Variants in DTNB observed in about 807,000 individuals in gnomAD.
The protein encoded by DTNB is DTN-B.
In DTNB, 63 loss-of-function variants were observed where a neutral mutation model predicts 90.7. The observed-to-expected ratio is 0.69, with a 90% confidence interval of 0.57 to 0.86. The LOEUF is 0.86. Ranked by LOEUF, DTNB falls within the 40% of genes least tolerant of loss-of-function variation. The pLI, the probability that DTNB is intolerant of heterozygous loss-of-function variation, is 0.00. For synonymous variants in DTNB, 277 were observed against 286.7 expected (o/e 0.97, Z 0.34); for missense variants, 744 against 807.1 (o/e 0.92, Z 0.95).
chr2:25,571,554 C>G (rs1370221715), intron 8 of DTNB, among the ~76,000 whole-genome samples: 1 of 152,160 alleles, frequency 6.6e-6, no homozygotes, highest in Non-Finnish European at 1.5e-5. Flanking sequence ...TTCCCCAGAT[C>G]TCTGCTGGTA....
intron 8 of DTNB, among the ~76,000 whole-genome samples, chr2:25,544,116 C>T (rs1036049464): frequency 6.6e-6 from 1 of 152,088 alleles, no homozygotes; most frequent in South Asian, 2.1e-4. Flanking sequence ...CGCAGCCCAG[C>T]GTGGGGGATG....
intron 10 of DTNB, among the ~76,000 whole-genome samples, chr2:25,469,021 C>A (rs548264096): frequency 6.6e-6 from 1 of 152,282 alleles, no homozygotes; most frequent in African/African-American, 2.4e-5. Flanking sequence ...TACATCAGTA[C>A]TGGAACTACG....
At chr2:25,452,769 G>T in intron 11 of DTNB, among the ~76,000 whole-genome samples, 1 of 149,494 alleles carries the variant, frequency 6.7e-6, no homozygotes, top group African/African-American at 2.5e-5. Context: ...CTATCTCTTT[G>T]GCTAAGTCTT....
chr2:25,378,861 G>A (rs901766948), intron 20 of DTNB, among the ~76,000 whole-genome samples: 9 of 152,172 alleles, frequency 5.9e-5, no homozygotes, highest in East Asian at 3.9e-4. Context: ...ACTGTGATTC[G>A]GTGCAGTGCT....
chr2:25,463,669 C>T lies in DTNB; in HGVS notation c.1080-8175G>A, dbSNP rs527622108. Among the ~76,000 whole-genome samples the T allele has an allele frequency of 3.9e-5, 6 of 152,328 alleles. No individual in the cohort carries two copies. The South Asian group carries it at 1.2e-3, about 32-fold the overall frequency. ...GTCCTAACTAATAATTCTGAAACTGCTACACGTGCTGCAGGCACGGAACGA... is the reference window on the plus strand; with the variant it reads ...GTCCTAACTAATAATTCTGAAACTGTTACACGTGCTGCAGGCACGGAACGA... On this transcript the variant is annotated intron_variant, in intron 10 of 20. Coordinates refer to ENST00000406818, the MANE Select transcript of DTNB (RefSeq NM_021907.5).
chr2:25,494,672 T>C (rs1460173558), intron 9 of DTNB, among the ~76,000 whole-genome samples: 1 of 152,204 alleles, frequency 6.6e-6, no homozygotes, highest in African/African-American at 2.4e-5. Flanking sequence ...GGCCCACAGC[T>C]TTTTATGCTT....
At chr2:25,455,310 A>G in intron 11 of DTNB, 95 bp downstream of exon 11, 1 of 1,139,910 alleles carries the variant, frequency 8.8e-7, no homozygotes, top group East Asian at 2.8e-5. Context: ...AAAACCTGAC[A>G]TGCAGTTTTT....
chr2:25,654,924 C>T (rs1265511203), intron 1 of DTNB, among the ~76,000 whole-genome samples: 2 of 152,192 alleles, frequency 1.3e-5, no homozygotes, highest in Non-Finnish European at 2.9e-5. Context: ...AGCACACAGT[C>T]AGTGTTCCCT....
intron 3 of DTNB, among the ~76,000 whole-genome samples, chr2:25,631,150 G>A (rs375505155): frequency 1.1e-3 from 175 of 152,212 alleles, no homozygotes; most frequent in African/African-American, 4.0e-3. Flanking sequence ...ACGACTTTGT[G>A]GATATACTAA....
At chr2:25,511,705 T>C (rs1045234941) in intron 9 of DTNB, among the ~76,000 whole-genome samples, 4 of 152,198 alleles carry the variant, frequency 2.6e-5, no homozygotes, top group Non-Finnish European at 5.9e-5. Flanking sequence ...AAGCTTTCAA[T>C]AGGGCTGAGC....
chr2:25,634,800 G>C (rs1333542765), intron 3 of DTNB, among the ~76,000 whole-genome samples: 1 of 113,266 alleles, frequency 8.8e-6, no homozygotes, highest in Non-Finnish European at 2.1e-5. Flanking sequence ...GTCCACTCAG[G>C]GTTAAATGGA....
chr2:25,445,972 C>T (rs781436291), intron 12 of DTNB, among the ~76,000 whole-genome samples: 11 of 145,914 alleles, frequency 7.5e-5, no homozygotes, highest in Non-Finnish European at 1.0e-4. Context: ...TCAACAAGAA[C>T]GTTTTGAATA....
chr2:25,510,325 CCTT>C (rs2073660823), intron 9 of DTNB, among the ~76,000 whole-genome samples: 1 of 151,708 alleles, frequency 6.6e-6, no homozygotes, highest in African/African-American at 2.4e-5. Context: ...TTAACATACT[CCTT>C]TTTTAAAAAA....
chr2:25,378,006 T>C (rs935364980), intron 20 of DTNB, among the ~76,000 whole-genome samples: 13 of 152,210 alleles, frequency 8.5e-5, no homozygotes, highest in African/African-American at 3.1e-4. Context: ...AGCGCAGGAT[T>C]AGGAGGCAGA....
intron 8 of DTNB, among the ~76,000 whole-genome samples, chr2:25,563,676 AG>A (rs2058582717): frequency 1.3e-5 from 1 of 77,998 alleles, no homozygotes; most frequent in African/African-American, 7.8e-5. Flanking sequence ...GTGAATATCC[AG>A]TTGTTGTCTC....
At chr2:25,446,054 C>A (rs1364294034) in intron 12 of DTNB, among the ~76,000 whole-genome samples, 1 of 151,676 alleles carries the variant, frequency 6.6e-6, no homozygotes, top group Non-Finnish European at 1.5e-5. Context: ...TAAATACTAG[C>A]TATTAGTATT....
At chr2:25,569,224 C>T (rs1169460682) in intron 8 of DTNB, among the ~76,000 whole-genome samples, 1 of 152,194 alleles carries the variant, frequency 6.6e-6, no homozygotes, top group Admixed American at 6.5e-5. Context: ...TCTACCCCAT[C>T]CAAATCTGCA....
At chr2:25,649,992 A>C (rs996627128) in intron 2 of DTNB, 6 of 983,022 alleles carry the variant, frequency 6.1e-6, no homozygotes, top group African/African-American at 5.2e-5. Flanking sequence ...CCTGTGAAGA[A>C]ATATAGGAGA....
At chr2:25,511,027 C>A (rs933653908) in intron 9 of DTNB, among the ~76,000 whole-genome samples, 1 of 152,138 alleles carries the variant, frequency 6.6e-6, no homozygotes, top group Admixed American at 6.5e-5. Context: ...TTATAACATG[C>A]TTCTACGCTG....
Sources: gnomAD v4.1 joint callset for allele counts (sites outside exome capture counted in the v4.1 genomes callset) on GRCh38, gnomAD v4.1.1 for gene constraint, MANE v1.5 for transcripts, NCBI Gene and HGNC (gene_info 2026-07-23, HGNC 2026-07-21) for gene names.